PTCHD4: variants seen among roughly 807,000 people sequenced by gnomAD.
PTCHD4 encodes patched domain containing 4, also known as patched domain-containing protein 4.
In PTCHD4, 33 loss-of-function variants were observed where a neutral mutation model predicts 58.1. The observed-to-expected ratio is 0.57, with a 90% CI of 0.43 to 0.76. The LOEUF is 0.76. PTCHD4 is among the 30% of genes least tolerant of loss of function. The probability of loss-of-function intolerance (pLI) is 0.00; values close to 1 mark genes in which losing one functional copy is unlikely to be tolerated. For synonymous variants in PTCHD4, 478 were observed against 409.6 expected, an observed-to-expected ratio of 1.17 and a Z score of -2.02; for missense variants, 1,058 against 1,027.1, an observed-to-expected ratio of 1.03 and a Z score of -0.41.
At position 47,870,028 on chromosome 6, in the gene PTCHD4, A is replaced by T. The variant is rs1212237285; in HGVS notation, c.*8275T>A. ...GTGATTTTAAAAGACCTCATATTTG[A>T]CCCTAAGAACTATAGAATATACACC... is the stretch of plus-strand genomic sequence containing the variant. On this transcript the variant is annotated 3_prime_UTR_variant, in exon 5 of 5. Transcript: ENST00000339488. Among the ~76,000 whole-genome samples the T allele has an allele frequency of 6.6e-6, 1 of 151,618 alleles. No homozygotes were observed. The highest frequency in any genetic ancestry group is 1.5e-5 in the Non-Finnish European group (1 of 67,720).
rs1561954564 is a variant in PTCHD4, at chr6:47,914,740, TCTATTATCTATC to T, written c.899-34816_899-34805del. Among the ~76,000 whole-genome samples, 1,287 of 146,116 alleles carry T rather than the reference TCTATTATCTATC, an allele frequency of 8.8e-3. 12 individuals carry two copies. Among genetic ancestry groups the T allele is most frequent in the African/African-American group, 0.013 (521 of 39,608 alleles). ...TGTCTGTCTATCTATCTATTATCTA[TCTATTATCTATC>T]TATCTATCTATCTATCTATCTATCT... On this transcript the variant is annotated intron_variant, in intron 4 of 4. Coordinates refer to ENST00000339488, the MANE Select transcript of PTCHD4 (RefSeq NM_001384253.1).
rs1328982 is a variant in PTCHD4, at chr6:47,873,869, G to T, written c.*4434C>A. ...AACTTTTTTTGTTTGTTTTTTGTTT[G>T]TAAAGGGAAGAAAAGTGCTTCTGAG... On this transcript the variant is annotated 3_prime_UTR_variant, in exon 5 of 5. Transcript: ENST00000339488. Among the ~76,000 whole-genome samples the T allele has an allele frequency of 0.67, 101,009 of 151,454 alleles. 34,167 individuals are homozygous for T. Among genetic ancestry groups the T allele is most frequent in the East Asian group, 0.78 (3,989 of 5,112 alleles).
At chr6:48,062,878 A>G (rs1228053890) in intron 3 of PTCHD4, among the ~76,000 whole-genome samples, 2 of 152,170 alleles carry the variant, frequency 1.3e-5, no homozygotes, top group Non-Finnish European at 2.9e-5. Flanking sequence ...GCTGACAAGA[A>G]TCCTGACAAT....
At chr6:47,900,958 T>A (rs956163380) in intron 4 of PTCHD4, 1 of 151,612 alleles carries the variant, frequency 6.6e-6, no homozygotes, top group African/African-American at 2.4e-5. Context: ...ATCGAGACCA[T>A]CCTGGCTAAC....
rs1191910977 is a variant in PTCHD4 at position 48,008,976 on chromosome 6, G to T, written c.556C>A (p.Leu186Ile). The part of the protein sequence containing the change: ...LQTYGSATQD[L>I]IGEKWENEFC... ...TCATTCTCCCACTTCTCCCCTATGA[G>T]GTCTTGGGTGGCAGAGCCATAGGTC... Residue 186 changes from leucine (L) to isoleucine (I), a missense_variant, in exon 4 of 5, where the codon CTC becomes ATC. Physicochemically the swap from Leu to Ile is conservative, Grantham distance 5 (BLOSUM62 2). Coordinates refer to ENST00000339488, the MANE Select transcript of PTCHD4 (RefSeq NM_001384253.1). The T allele has an allele frequency of 6.2e-7, 1 of 1,613,956 alleles. No homozygotes were observed. Among genetic ancestry groups the T allele is most frequent in the Non-Finnish European group, 8.5e-7 (1 of 1,179,894 alleles).
At chr6:47,909,507 A>G (rs962999363) in intron 4 of PTCHD4, among the ~76,000 whole-genome samples, 6 of 152,164 alleles carry the variant, frequency 3.9e-5, no homozygotes, top group African/African-American at 1.4e-4. Context: ...AATATTTTAC[A>G]GTGTTAAGAT....
intron 1 of PTCHD4, among the ~76,000 whole-genome samples, chr6:48,102,814 C>G (rs1169981841): frequency 6.6e-6 from 1 of 152,232 alleles, no homozygotes; most frequent in Non-Finnish European, 1.5e-5. Context: ...ACATCCCGCA[C>G]ATGGCTCGGA....
chr6:48,080,082 G>T (rs765257968), intron 1 of PTCHD4, among the ~76,000 whole-genome samples: 16 of 135,238 alleles, frequency 1.2e-4, no homozygotes, highest in Non-Finnish European at 2.0e-4. Flanking sequence ...AGATGACTTT[G>T]TTTCAAATAG....
chr6:47,882,545 T>C (rs1764047969), intron 4 of PTCHD4, among the ~76,000 whole-genome samples: 1 of 151,834 alleles, frequency 6.6e-6, no homozygotes, highest in Admixed American at 6.6e-5. Context: ...TATTGCCTGC[T>C]CCAGTCAAGG....
In PTCHD4 at chr6:47,868,612, CA is replaced by C. The variant is rs957285256; in HGVS notation, c.*9690del. Among the ~76,000 whole-genome samples, 1 of 151,704 alleles carries C rather than the reference CA, an allele frequency of 6.6e-6. No homozygotes were observed. The highest frequency in any genetic ancestry group is 2.4e-5 in the African/African-American group (1 of 41,392). On this transcript the variant is annotated 3_prime_UTR_variant, in exon 5 of 5. Coordinates refer to ENST00000339488, the MANE Select transcript of PTCHD4 (RefSeq NM_001384253.1). ...TCAGTTGCCATTTTTAAAATAAAAT[CA>C]GTGGAGAATTTCAACTTGAAGCACA...
intron 4 of PTCHD4, among the ~76,000 whole-genome samples, chr6:47,907,961 G>C (rs189468540): frequency 6.6e-6 from 1 of 152,146 alleles, no homozygotes; most frequent in Admixed American, 6.6e-5. Flanking sequence ...CTGGAGAAAG[G>C]TTTTCTTTAA....
intron 1 of PTCHD4, among the ~76,000 whole-genome samples, chr6:48,077,758 T>G (rs974682209): frequency 6.6e-6 from 1 of 152,064 alleles, no homozygotes; most frequent in Non-Finnish European, 1.5e-5. Flanking sequence ...TAGGCAGACT[T>G]GATGAGAGAG....
rs1388105989 is a variant in PTCHD4, at chr6:47,958,635, G to A, written c.898+49999C>T. 3.3e-5 allele frequency among the ~76,000 whole-genome samples: 5 copies of A among 152,336 alleles called. No homozygotes were observed. The East Asian group carries it at 9.7e-4, about 29-fold the overall frequency. ...GCTCACAGAATAGAATACTGGAGAA[G>A]TAGCTACAGGAGCAAGAACTCTGCA... On this transcript the variant is annotated intron_variant, in intron 4 of 4. Transcript: ENST00000339488.
chr6:47,969,274 C>T (rs1428287090), intron 4 of PTCHD4, among the ~76,000 whole-genome samples: 1 of 152,188 alleles, frequency 6.6e-6, no homozygotes, highest in African/African-American at 2.4e-5. Flanking sequence ...CTCTTGTGTA[C>T]TCCTACTAGT....
rs116824645 is a variant in PTCHD4, at chr6:48,084,930, G to A, written c.-969-15004C>T. Among the ~76,000 whole-genome samples the A allele has an allele frequency of 2.7e-3, 414 of 151,814 alleles. 1 individual carries two copies. Among genetic ancestry groups the A allele is most frequent in the African/African-American group, 8.6e-3 (354 of 41,396 alleles). On this transcript the variant is annotated intron_variant, in intron 1 of 4. Coordinates refer to ENST00000339488, the MANE Select transcript of PTCHD4 (RefSeq NM_001384253.1). ...GACTGATTTTTTGTATCTTAGTAGA[G>A]ACGGTGTTTCACCATGTTGCCCAGG...
At chr6:47,888,213 C>T (rs966573312) in intron 4 of PTCHD4, among the ~76,000 whole-genome samples, 3 of 151,952 alleles carry the variant, frequency 2.0e-5, no homozygotes, top group Non-Finnish European at 2.9e-5. Context: ...AAAAATTAGC[C>T]GGGTGTGGTG....
At chr6:47,888,639 G>T (rs1764273548) in intron 4 of PTCHD4, among the ~76,000 whole-genome samples, 1 of 152,046 alleles carries the variant, frequency 6.6e-6, no homozygotes. Context: ...TTTTTTGTTT[G>T]TTTGTTTGTT....
chr6:48,070,153 GTGTA>G lies in PTCHD4; in HGVS notation c.-969-231_-969-228del, dbSNP rs745398963. 5.6e-3 allele frequency among the ~76,000 whole-genome samples: 599 copies of G among 106,742 alleles called. 5 individuals are homozygous for G. The highest frequency in any genetic ancestry group is 0.015 in the South Asian group (45 of 3,058). 70.0% of individuals were successfully genotyped at this position (106,742 alleles called of 152,430 possible). On this transcript the variant is annotated intron_variant, in intron 1 of 4. Coordinates refer to ENST00000339488, the MANE Select transcript of PTCHD4 (RefSeq NM_001384253.1). ...TGTGTGTGTGTGTGTGTGTGTGTGT[GTGTA>G]TATATATATATGAATTTTTTAGGGC...
chr6:47,937,862 A>C (rs1195335255), intron 4 of PTCHD4, among the ~76,000 whole-genome samples: 3 of 152,150 alleles, frequency 2.0e-5, no homozygotes, highest in Non-Finnish European at 4.4e-5. Context: ...CAAGTAAAGA[A>C]AATATTTTGG....
Sources: gnomAD v4.1 joint callset for allele counts (sites outside exome capture counted in the v4.1 genomes callset) on GRCh38, gnomAD v4.1.1 for gene constraint, MANE v1.5 for transcripts, NCBI Gene and HGNC (gene_info 2026-07-23, HGNC 2026-07-21) for gene names.